Variants in RRM2 observed in about 807,000 individuals in gnomAD.
The protein encoded by RRM2 is ribonucleotide reductase regulatory subunit M2.
A neutral mutation model predicts 45.9 loss-of-function variants in RRM2; 6 were observed. The observed-to-expected ratio is 0.13, with a 90% CI of 0.07 to 0.26. RRM2 has a LOEUF of 0.26. Among genes scored for constraint, RRM2 ranks in the 10% least tolerant of loss-of-function variants. RRM2 has a pLI of 1.00. For synonymous variants in RRM2, 177 were observed against 173.0 expected (o/e 1.02, Z -0.18); for missense variants, 343 against 489.5 (o/e 0.70, Z 2.82).
chr2:10,154,908 C>T (rs531752368), intron 3 of RRM2, among the ~76,000 whole-genome samples: 1 of 152,144 alleles, frequency 6.6e-6, no homozygotes, highest in African/African-American at 2.4e-5. Flanking sequence ...GTTGGCCAGG[C>T]TGGTCTTGAA....
At chr2:10,122,734 C>A, upstream of RRM2, 1 of 1,552,326 alleles carries the variant, frequency 6.4e-7, no homozygotes, top group Non-Finnish European at 8.7e-7. Context: ...AGTGAGGGGT[C>A]GCCCGTGCAC....
chr2:10,122,912 A>G lies in RRM2; in HGVS notation c.99+15A>G. 6.4e-7 allele frequency: 1 copy of G among 1,566,864 alleles called. No homozygotes were observed. The highest frequency in any genetic ancestry group is 1.2e-5 in the South Asian group (1 of 86,062). ...AGGAGAACACGGTGAGCCCGCGGGGAGGGCGCTGCGGGCAGGGGAGGGAGG... is the reference window on the plus strand; with the variant it reads ...AGGAGAACACGGTGAGCCCGCGGGGGGGGCGCTGCGGGCAGGGGAGGGAGG... On this transcript the variant is annotated intron_variant, in intron 1 of 9. Transcript: ENST00000304567.
At chr2:10,137,650 G>A (rs1181980976), upstream of RRM2, among the ~76,000 whole-genome samples, 1 of 152,238 alleles carries the variant, frequency 6.6e-6, no homozygotes, top group East Asian at 1.9e-4. Context: ...ATGCCCAAAT[G>A]GAGCCTCACG....
In RRM2 at chr2:10,126,947, T is replaced by A. The variant is rs1168367503; in HGVS notation, c.642T>A (p.Ile214=). Residue 214 remains isoleucine, a synonymous_variant, in exon 6 of 10, where the codon ATT becomes ATA. Coordinates refer to ENST00000304567, the MANE Select transcript of RRM2 (RefSeq NM_001034.4). ...AGGCAGACTGGGCCTTGCGCTGGAT[T>A]GGGGACAAAGAGGCTACCTATGGTA... ...KKKADWALRW[I]GDKEATYGER... is the part of the protein sequence containing the mutation. 5 of 1,614,018 alleles carry A rather than the reference T, an allele frequency of 3.1e-6. No individual in the cohort carries two copies. The Admixed American group carries it at 8.3e-5, about 27-fold the overall frequency.
chr2:10,196,375 G>A (rs1033110552), intron 3 of RRM2, among the ~76,000 whole-genome samples: 2 of 152,160 alleles, frequency 1.3e-5, no homozygotes, highest in African/African-American at 2.4e-5. Flanking sequence ...GTTTCATCTC[G>A]GGACACAGTG....
Position 10,204,982 on chromosome 2 carries a change from G to A in RRM2, n.483-5329G>A, listed in dbSNP as rs528114917. Among the ~76,000 whole-genome samples, 6 of 152,344 alleles carry A rather than the reference G, an allele frequency of 3.9e-5. No individual in the cohort carries two copies. In the South Asian group the frequency reaches 6.2e-4, roughly 16 times the overall value. ...CCAGGAGCACGGCTCTAACACAGCC[G>A]AGGCATAGTGTGAGCAAAGTCAGAC... On this transcript the variant is annotated intron_variant and non_coding_transcript_variant, in intron 3 of 3. Transcript: ENST00000381786. The surrounding 1 kb of genome is among the most constrained non-coding windows in gnomAD (Gnocchi z 4.0).
At chr2:10,142,150 T>C in intron 2 of RRM2, 1 of 1,543,714 alleles carries the variant, frequency 6.5e-7, no homozygotes. Context: ...CGTCTGTGAG[T>C]GGTCAGAGCA....
chr2:10,137,711 C>T (rs1297957102), upstream of RRM2, among the ~76,000 whole-genome samples: 7 of 152,176 alleles, frequency 4.6e-5, no homozygotes, highest in African/African-American at 9.7e-5. Flanking sequence ...AGGTGGAAAA[C>T]GGGGAGATTT....
chr2:10,189,374 G>A (rs1030889685), intron 3 of RRM2, among the ~76,000 whole-genome samples: 14 of 152,202 alleles, frequency 9.2e-5, no homozygotes, highest in African/African-American at 2.9e-4. Flanking sequence ...CATCAGCCAC[G>A]AGCCAGTGCC....
At chr2:10,210,834 G>T in exon 4 of RRM2, 1 of 347,832 alleles carries the variant, frequency 2.9e-6, no homozygotes, top group Non-Finnish European at 5.6e-6. Flanking sequence ...CCGTGAGGGT[G>T]GAGACCCATG....
rs758243071 is a variant in RRM2, at chr2:10,124,698, T to C, written c.436-19T>C. The C allele has an allele frequency of 2.7e-5, 43 of 1,611,048 alleles. No individual in the cohort carries two copies. The highest frequency in any genetic ancestry group is 3.6e-5 in the Non-Finnish European group (43 of 1,179,662). On this transcript the variant is annotated intron_variant, in intron 4 of 9. Transcript: ENST00000304567. Reference sequence around the variant, plus strand: ...GTTGGTTTTTTCTCAAGCTTAACTTTGATGTGTTTTGCCACTAGGTGGAGC... The same window carrying C: ...GTTGGTTTTTTCTCAAGCTTAACTTCGATGTGTTTTGCCACTAGGTGGAGC...
In RRM2 at chr2:10,200,875, C is replaced by T. The variant is rs144312350; in HGVS notation, n.483-9436C>T. 1.2e-3 allele frequency among the ~76,000 whole-genome samples: 179 copies of T among 152,298 alleles called. 1 individual carries two copies. The highest frequency in any genetic ancestry group is 4.1e-3 in the African/African-American group (170 of 41,568). ...AGAAAACAGACTTTTGGTCGGGTGC[C>T]ATGGCTCACACCTGTAATCCCAGCA... On this transcript the variant is annotated intron_variant and non_coding_transcript_variant, in intron 3 of 3. Transcript: ENST00000381786.
chr2:10,157,119 C>G (rs1663446625), intron 3 of RRM2, among the ~76,000 whole-genome samples: 1 of 148,178 alleles, frequency 6.7e-6, no homozygotes, highest in African/African-American at 2.5e-5. Flanking sequence ...AGCTCCGCTT[C>G]CCAGGTTCAC....
intron 3 of RRM2, among the ~76,000 whole-genome samples, chr2:10,177,982 C>T (rs1663965845): frequency 6.7e-6 from 1 of 150,064 alleles, no homozygotes; most frequent in Non-Finnish European, 1.5e-5. Context: ...AGTGCAGTGG[C>T]GCGATCTCGG....
At chr2:10,170,659 C>T (rs1439086766) in intron 3 of RRM2, among the ~76,000 whole-genome samples, 2 of 152,122 alleles carry the variant, frequency 1.3e-5, no homozygotes, top group Non-Finnish European at 2.9e-5. Context: ...GGGTCATTTA[C>T]GGCCTGGGTC....
At chr2:10,206,042 C>T (rs1304481041) in intron 3 of RRM2, among the ~76,000 whole-genome samples, 1 of 151,894 alleles carries the variant, frequency 6.6e-6, no homozygotes, top group Non-Finnish European at 1.5e-5. Context: ...GTCAGGAGAT[C>T]GAGACCATCC....
intron 5 of RRM2, 53 bp from the exon 6 acceptor site, chr2:10,126,822 C>T (rs1662788562): frequency 1.0e-5 from 14 of 1,365,678 alleles, no homozygotes; most frequent in South Asian, 3.7e-5. Context: ...AGTTGGTAAT[C>T]GGAGGTCTTT....
intron 3 of RRM2, among the ~76,000 whole-genome samples, chr2:10,198,439 G>A (rs1408855435): frequency 1.3e-5 from 2 of 149,450 alleles, no homozygotes; most frequent in Middle Eastern, 3.2e-3. Flanking sequence ...GTCTCGTGCT[G>A]TTGCCCAGCC....
At chr2:10,141,980 A>C (rs757823943) in intron 2 of RRM2, 2 of 1,569,610 alleles carry the variant, frequency 1.3e-6, no homozygotes, top group Admixed American at 3.8e-5. Flanking sequence ...ACAAGCTCTG[A>C]AGACAAGGAA....
Sources: gnomAD v4.1 joint callset for allele counts (sites outside exome capture counted in the v4.1 genomes callset) on GRCh38, gnomAD v4.1.1 for gene constraint, Gnocchi (gnomAD v3.1) non-coding constraint, MANE v1.5 for transcripts, NCBI Gene and HGNC (gene_info 2026-07-23, HGNC 2026-07-21) for gene names.